Variants in PLD5 observed in about 807,000 individuals in gnomAD.
PLD5 encodes inactive phospholipase D5.
PLD5 carries 36 observed loss-of-function variants against 61.1 expected under a neutral mutation model. The observed-to-expected ratio is 0.59, with a 90% CI of 0.45 to 0.78. The LOEUF (loss-of-function observed/expected upper bound fraction) is 0.78. Ranked by LOEUF, PLD5 falls within the 30% of genes least tolerant of loss-of-function variation. The probability of loss-of-function intolerance (pLI) is 0.00; values close to 1 mark genes in which losing one functional copy is unlikely to be tolerated. For missense variants in PLD5, 515 were observed against 644.4 expected (o/e 0.80, Z 2.17); for synonymous variants, 243 against 242.8 (o/e 1.00, Z -0.01).
intron 3 of PLD5, among the ~76,000 whole-genome samples, chr1:242,272,957 G>A (rs1266264028): frequency 2.0e-5 from 3 of 151,896 alleles, no homozygotes; most frequent in East Asian, 1.9e-4. Flanking sequence ...TGTGCAGAAC[G>A]TGCAGGTTTG....
intron 1 of PLD5, among the ~76,000 whole-genome samples, chr1:242,440,415 C>T (rs1051975314): frequency 1.3e-5 from 2 of 152,144 alleles, no homozygotes; most frequent in African/African-American, 2.4e-5. Context: ...GGCTACACCC[C>T]ACCTAAGTGT....
chr1:242,095,137 A>G (rs1372229865), intron 9 of PLD5, among the ~76,000 whole-genome samples: 1 of 151,850 alleles, frequency 6.6e-6, no homozygotes, highest in Non-Finnish European at 1.5e-5. Context: ...GGGGTTTCAC[A>G]TTGTTACCAG....
At chr1:242,339,033 A>G (rs1028539418) in intron 2 of PLD5, among the ~76,000 whole-genome samples, 2 of 152,116 alleles carry the variant, frequency 1.3e-5, no homozygotes, top group East Asian at 1.9e-4. Context: ...TCATTTCTAC[A>G]TGATAGTCTT....
At chr1:242,315,939 T>G (rs1223603556) in intron 2 of PLD5, among the ~76,000 whole-genome samples, 11 of 152,174 alleles carry the variant, frequency 7.2e-5, no homozygotes, top group Admixed American at 7.2e-4. Context: ...AGGGTTGAAG[T>G]GAAAAGTATA....
intron 1 of PLD5, among the ~76,000 whole-genome samples, chr1:242,395,018 T>TATATATGA (rs1426070068): frequency 1.5e-5 from 2 of 129,728 alleles, no homozygotes; most frequent in African/African-American, 5.9e-5. Context: ...TATATATGAA[T>TATATATGA]ATATATGTAT....
chr1:242,510,082 T>C (rs546986063), intron 1 of PLD5, among the ~76,000 whole-genome samples: 2 of 152,300 alleles, frequency 1.3e-5, no homozygotes, highest in South Asian at 4.1e-4. Context: ...TTAGTATGAA[T>C]GAATGGGCTG....
intron 1 of PLD5, among the ~76,000 whole-genome samples, chr1:242,384,525 C>T (rs1212407285): frequency 6.6e-6 from 1 of 152,198 alleles, no homozygotes; most frequent in Non-Finnish European, 1.5e-5. Flanking sequence ...AATCCAATTC[C>T]TTGGTCTTCC....
chr1:242,430,803 T>A (rs1665675116), intron 1 of PLD5, among the ~76,000 whole-genome samples: 1 of 152,172 alleles, frequency 6.6e-6, no homozygotes, highest in Non-Finnish European at 1.5e-5. Context: ...TTGAGTTTAA[T>A]GGTAGGCTCC....
At chr1:242,347,553 T>C (rs1018409233) in intron 2 of PLD5, among the ~76,000 whole-genome samples, 19 of 152,294 alleles carry the variant, frequency 1.2e-4, no homozygotes, top group Admixed American at 7.8e-4. Context: ...CAGGAAATGC[T>C]ACTTAATGTA....
At chr1:242,253,820 T>C (rs528463115) in intron 4 of PLD5, among the ~76,000 whole-genome samples, 1 of 152,334 alleles carries the variant, frequency 6.6e-6, no homozygotes, top group African/African-American at 2.4e-5. Flanking sequence ...GATTCTATGT[T>C]TTAGAGCAAA....
intron 1 of PLD5, among the ~76,000 whole-genome samples, chr1:242,455,920 G>A (rs1420061297): frequency 1.3e-5 from 2 of 152,228 alleles, no homozygotes; most frequent in Non-Finnish European, 2.9e-5. Flanking sequence ...GAGCCGGGGT[G>A]GGGACAGAAG....
At chr1:242,526,845 C>T (rs1669458379), upstream of PLD5, among the ~76,000 whole-genome samples, 1 of 152,060 alleles carries the variant, frequency 6.6e-6, no homozygotes, top group African/African-American at 2.4e-5. Context: ...ATTATACAGT[C>T]TTTTATAATA....
rs931565154 is a variant in PLD5, at chr1:242,085,695, T to G, written c.*4159A>C. 2.0e-5 allele frequency: 3 copies of G among 152,176 alleles called. No individual in the cohort carries two copies. The highest frequency in any genetic ancestry group is 7.2e-5 in the African/African-American group (3 of 41,452). The allele number at this position is 152,176 out of a possible 1,614,324, so 9.4% of individuals were successfully genotyped here. On this transcript the variant is annotated 3_prime_UTR_variant, in exon 10 of 10. Coordinates refer to ENST00000536534, the MANE Select transcript of PLD5 (RefSeq NM_001372062.1). ...TACAGAAAGATAAAAGAATGAAACA[T>G]TTGTCCACAATATATGGGGCTGTTC...
At chr1:242,383,531 T>C (rs771304012) in intron 1 of PLD5, among the ~76,000 whole-genome samples, 5 of 152,124 alleles carry the variant, frequency 3.3e-5, no homozygotes, top group South Asian at 2.1e-4. Context: ...TCATTTTCTG[T>C]TAAATTTTTT....
intron 5 of PLD5, among the ~76,000 whole-genome samples, chr1:242,155,985 A>T (rs1665333676): frequency 6.6e-6 from 1 of 152,176 alleles, no homozygotes; most frequent in South Asian, 2.1e-4. Context: ...GTGGGAGTCT[A>T]AGTCTCTTTG....
chr1:242,419,161 C>T (rs1488231292), intron 1 of PLD5, among the ~76,000 whole-genome samples: 1 of 152,132 alleles, frequency 6.6e-6, no homozygotes, highest in Non-Finnish European at 1.5e-5. Flanking sequence ...CGCCTCCAGG[C>T]GGGTGTGGCT....
chr1:242,318,527 A>G (rs72635910), intron 2 of PLD5, among the ~76,000 whole-genome samples: 13,312 of 152,180 alleles, frequency 0.087, 813 homozygotes, highest in East Asian at 0.29. Context: ...CTTAGTTTGC[A>G]TCTTGGTTCC....
At chr1:242,092,905 C>T (rs1190648625) in intron 9 of PLD5, among the ~76,000 whole-genome samples, 1 of 152,048 alleles carries the variant, frequency 6.6e-6, no homozygotes, top group Admixed American at 6.6e-5. Context: ...AAGTTTATTC[C>T]TCAGAGCCTA....
chr1:242,254,543 A>T (rs1431420536), intron 4 of PLD5, among the ~76,000 whole-genome samples: 1 of 152,066 alleles, frequency 6.6e-6, no homozygotes, highest in Non-Finnish European at 1.5e-5. Context: ...TGTGGTGGGC[A>T]CCTGTAATCC....
Sources: gnomAD v4.1 joint callset for allele counts (sites outside exome capture counted in the v4.1 genomes callset) on GRCh38, gnomAD v4.1.1 for gene constraint, MANE v1.5 for transcripts, NCBI Gene and HGNC (gene_info 2026-07-23, HGNC 2026-07-21) for gene names.